The following FOCAD variants were observed in gnomAD, a reference collection of about 807,000 sequenced individuals.
The protein encoded by FOCAD is focadhesin.
A neutral mutation model predicts 225.6 loss-of-function variants in FOCAD; 198 were observed. That is an observed-to-expected ratio of 0.88 (90% CI 0.78 to 0.99). The LOEUF is 0.99. Ranked by LOEUF, FOCAD falls within the 50% of genes least tolerant of loss-of-function variation. The pLI, the probability that FOCAD is intolerant of heterozygous loss-of-function variation, is 0.00. For synonymous variants in FOCAD, 897 were observed against 755.0 expected (o/e 1.19, Z -3.08); for missense variants, 2,713 against 2,123.6 (o/e 1.28, Z -5.46).
chr9:20,839,917 A>G (rs758422762), intron 15 of FOCAD, among the ~76,000 whole-genome samples: 2 of 152,106 alleles, frequency 1.3e-5, no homozygotes, highest in Non-Finnish European at 1.5e-5. Flanking sequence ...TGAGGTGACT[A>G]TCCTTTCCCC....
intron 1 of FOCAD, among the ~76,000 whole-genome samples, chr9:20,690,670 C>G (rs1822915849): frequency 6.6e-6 from 1 of 152,064 alleles, no homozygotes; most frequent in East Asian, 1.9e-4. Context: ...TGCCTTGCCT[C>G]CTGAGTAGCT....
intron 4 of FOCAD, among the ~76,000 whole-genome samples, chr9:20,737,395 A>G (rs1196296797): frequency 6.6e-6 from 1 of 152,238 alleles, no homozygotes; most frequent in Non-Finnish European, 1.5e-5. Flanking sequence ...CATGCAAAAA[A>G]GGATTATTTA....
chr9:20,812,896 C>T (rs1175431855), intron 11 of FOCAD, among the ~76,000 whole-genome samples: 1 of 151,992 alleles, frequency 6.6e-6, no homozygotes, highest in Non-Finnish European at 1.5e-5. Flanking sequence ...ATGAAATCTA[C>T]CTTAAAAAAT....
chr9:20,984,114 T>C (rs1486778686), intron 39 of FOCAD, among the ~76,000 whole-genome samples: 4 of 152,202 alleles, frequency 2.6e-5, no homozygotes, highest in Admixed American at 2.6e-4. Flanking sequence ...GAGTTTTCTA[T>C]TTGTTTCTGA....
chr9:20,804,288 C>A (rs1181324997), intron 11 of FOCAD, among the ~76,000 whole-genome samples: 6 of 151,738 alleles, frequency 4.0e-5, no homozygotes, highest in Non-Finnish European at 8.8e-5. Flanking sequence ...CCATTCTGTT[C>A]CTTTTCATGT....
chr9:20,835,334 T>C (rs558263156), intron 15 of FOCAD, among the ~76,000 whole-genome samples: 1 of 152,120 alleles, frequency 6.6e-6, no homozygotes. Flanking sequence ...CAAATTAACT[T>C]GGAAATGTGT....
intron 15 of FOCAD, among the ~76,000 whole-genome samples, chr9:20,854,934 T>C (rs1275513039): frequency 2.6e-5 from 4 of 151,802 alleles, no homozygotes; most frequent in South Asian, 2.1e-4. Flanking sequence ...TGCATACCCA[T>C]TGATTTGCAT....
chr9:20,826,627 C>T lies in FOCAD; in HGVS notation c.1920+3512C>T, dbSNP rs1457499834. ...TCCTCTTCTGTCCCTCTAGAGAACC[C>T]TAATTAATATAAGTACCTAGTGTGA... On this transcript the variant is annotated intron_variant, in intron 15 of 43. Coordinates refer to ENST00000338382, the MANE Select transcript of FOCAD (RefSeq NM_001375567.1). Among the ~76,000 whole-genome samples the T allele has an allele frequency of 4.6e-5, 7 of 152,106 alleles. No homozygotes were observed. In the East Asian group the frequency reaches 5.8e-4, roughly 13 times the overall value.
intron 16 of FOCAD, among the ~76,000 whole-genome samples, chr9:20,863,886 C>T (rs977688173): frequency 3.3e-5 from 5 of 152,028 alleles, no homozygotes; most frequent in Non-Finnish European, 7.4e-5. Flanking sequence ...TATGAATTGG[C>T]TGGTGTGTTG....
chr9:20,799,886 C>G (rs898356351), intron 11 of FOCAD, among the ~76,000 whole-genome samples: 1 of 152,060 alleles, frequency 6.6e-6, no homozygotes. Flanking sequence ...TTGATCCTGT[C>G]ATTATGATGT....
intron 1 of FOCAD, chr9:20,694,423 TTGAAA>T (rs1258382156): frequency 2.0e-5 from 3 of 152,180 alleles, no homozygotes; most frequent in Admixed American, 6.5e-5. Context: ...GAGTGTAATA[TTGAAA>T]TGAATGATTA....
intron 24 of FOCAD, among the ~76,000 whole-genome samples, chr9:20,917,458 C>T (rs187441809): frequency 1.1e-3 from 163 of 152,230 alleles, no homozygotes; most frequent in African/African-American, 3.8e-3. Flanking sequence ...GTGTCACTGC[C>T]TTGATGCTTT....
At chr9:20,714,938 C>T (rs1281288581) in intron 1 of FOCAD, among the ~76,000 whole-genome samples, 1 of 152,120 alleles carries the variant, frequency 6.6e-6, no homozygotes, top group African/African-American at 2.4e-5. Context: ...CAAAGTGAGG[C>T]ATAGATGAAG....
chr9:20,834,458 A>G (rs1825805612), intron 15 of FOCAD, among the ~76,000 whole-genome samples: 1 of 152,098 alleles, frequency 6.6e-6, no homozygotes, highest in African/African-American at 2.4e-5. Context: ...AAAGTTGGAA[A>G]AAAGAAAAGA....
At chr9:20,955,644 C>A (rs141010098) in intron 35 of FOCAD, among the ~76,000 whole-genome samples, 1 of 151,350 alleles carries the variant, frequency 6.6e-6, no homozygotes, top group Non-Finnish European at 1.5e-5. Context: ...TTCTTGTGAA[C>A]ATTTCTTGAC....
chr9:20,923,932 G>T (rs550161128), intron 25 of FOCAD, among the ~76,000 whole-genome samples, 164 bp downstream of exon 25: 163 of 152,192 alleles, frequency 1.1e-3, no homozygotes, highest in African/African-American at 3.8e-3. Context: ...TCCTAACTTT[G>T]CTGCTTTTCT....
chr9:20,836,189 A>G (rs893522714), intron 15 of FOCAD, among the ~76,000 whole-genome samples: 2 of 152,090 alleles, frequency 1.3e-5, no homozygotes, highest in Admixed American at 1.3e-4. Context: ...TTAGTGTGGT[A>G]TAAAAATGGC....
At chr9:20,812,952 A>G (rs980657852) in intron 11 of FOCAD, among the ~76,000 whole-genome samples, 4 of 152,096 alleles carry the variant, frequency 2.6e-5, no homozygotes, top group African/African-American at 9.7e-5. Context: ...ATATTTTTGT[A>G]CGGTGGATCT....
chr9:20,751,599 A>G (rs1205792330), intron 5 of FOCAD, among the ~76,000 whole-genome samples: 2 of 135,994 alleles, frequency 1.5e-5, no homozygotes, highest in Admixed American at 1.5e-4. Context: ...GCTATTGTGA[A>G]TAGTGCTGCA....
Sources: allele counts gnomAD v4.1 joint callset (sites outside exome capture counted in the v4.1 genomes callset), GRCh38; gene constraint gnomAD v4.1.1; transcripts MANE v1.5; gene names NCBI Gene and HGNC (gene_info 2026-07-23, HGNC 2026-07-21).